The following MTCL1 variants were observed in gnomAD, a reference collection of about 807,000 sequenced individuals.
The protein encoded by MTCL1 is microtubule cross-linking factor 1.
A neutral mutation model predicts 141.4 loss-of-function variants in MTCL1; 79 were observed. That is an observed-to-expected ratio of 0.56 (90% CI 0.47 to 0.67). The LOEUF (loss-of-function observed/expected upper bound fraction) is 0.67. Ranked by LOEUF, MTCL1 falls within the 30% of genes least tolerant of loss-of-function variation. The pLI, the probability that MTCL1 is intolerant of heterozygous loss-of-function variation, is 0.00. For synonymous variants in MTCL1, 914 were observed against 875.8 expected, an observed-to-expected ratio of 1.04 and a Z score of -0.77; for missense variants, 2,177 against 2,113.9, an observed-to-expected ratio of 1.03 and a Z score of -0.59.
chr18:8,803,934 A>T (rs1245334849), intron 10 of MTCL1, among the ~76,000 whole-genome samples: 1 of 152,224 alleles, frequency 6.6e-6, no homozygotes, highest in African/African-American at 2.4e-5. Flanking sequence ...GCATAGGCTG[A>T]TACCATATGT....
chr18:8,754,833 G>A (rs2096388843), intron 4 of MTCL1, among the ~76,000 whole-genome samples: 1 of 152,142 alleles, frequency 6.6e-6, no homozygotes. Context: ...AGTGGAAAGA[G>A]GGCTTAGCTC....
At chr18:8,798,478 T>C (rs1270210033) in intron 10 of MTCL1, among the ~76,000 whole-genome samples, 187 bp downstream of exon 9, 11 of 152,182 alleles carry the variant, frequency 7.2e-5, no homozygotes, top group Non-Finnish European at 1.5e-4. Flanking sequence ...TCAAACCTTT[T>C]CCATCTTAAT....
chr18:8,721,651 C>T (rs1331564907), intron 4 of MTCL1, among the ~76,000 whole-genome samples: 5 of 152,204 alleles, frequency 3.3e-5, no homozygotes, highest in East Asian at 1.9e-4. Flanking sequence ...CCTCAACACT[C>T]GTGAAAGTTG....
chr18:8,718,602 G>A, exon 3 of MTCL1: 3 of 1,613,842 alleles, frequency 1.9e-6, no homozygotes, highest in Non-Finnish European at 2.5e-6. Flanking sequence ...GCTGAGACGG[G>A]TCAGGTGGAT....
At chr18:8,780,596 A>G (rs568964455) in intron 5 of MTCL1, among the ~76,000 whole-genome samples, 10 of 152,318 alleles carry the variant, frequency 6.6e-5, no homozygotes, top group East Asian at 1.9e-4. Context: ...CAAGTTAACA[A>G]TGGGGCTGAG....
chr18:8,765,980 GAC>G (rs2096457844), intron 4 of MTCL1, among the ~76,000 whole-genome samples: 2 of 152,128 alleles, frequency 1.3e-5, no homozygotes, highest in South Asian at 4.2e-4. Context: ...GAGCCATCCC[GAC>G]ACAATGCTGC....
intron 4 of MTCL1, among the ~76,000 whole-genome samples, chr18:8,747,320 GTC>G (rs2096344273): frequency 6.6e-6 from 1 of 152,224 alleles, no homozygotes; most frequent in South Asian, 2.1e-4. Flanking sequence ...CTAGGGGAGA[GTC>G]TGTTCCATGC....
rs2077094425 is a variant in MTCL1, at chr18:8,828,483, G to C, written c.4723-425G>C. Among the ~76,000 whole-genome samples the C allele has an allele frequency of 6.6e-6, 1 of 152,218 alleles. No individual in the cohort carries two copies. Among genetic ancestry groups the C allele is most frequent in the African/African-American group, 2.4e-5 (1 of 41,462 alleles). On this transcript the variant is annotated intron_variant, in intron 15 of 16. Transcript: ENST00000359865. The surrounding 1 kb of genome is among the most constrained non-coding windows in gnomAD (Gnocchi z 5.2). ...GAACTTTTTAGAGTAAGTGGCAGTA[G>C]CTTGGCTGTTGTGACCGAAACAAAC...
chr18:8,706,759 G>C (rs1224555260), intron 1 of MTCL1, 46 bp downstream of exon 1: 1 of 1,538,580 alleles, frequency 6.5e-7, no homozygotes, highest in South Asian at 1.2e-5. Flanking sequence ...CCCCCGGAGG[G>C]CCTGGCTGCG....
intron 4 of MTCL1, 25 bp from the exon 4 acceptor site, chr18:8,777,808 A>T: frequency 6.2e-7 from 1 of 1,612,880 alleles, no homozygotes; most frequent in Non-Finnish European, 8.5e-7. Flanking sequence ...CCTTGGTCAC[A>T]GAATGTCACT....
chr18:8,806,219 T>C (rs1300316341), intron 10 of MTCL1, among the ~76,000 whole-genome samples: 3 of 152,184 alleles, frequency 2.0e-5, no homozygotes, highest in Admixed American at 6.5e-5. Flanking sequence ...ATTTCACCTT[T>C]GGCTTTAATT....
chr18:8,831,116 C>A, intron 16 of MTCL1: 1 of 987,222 alleles, frequency 1.0e-6, no homozygotes, highest in Non-Finnish European at 1.2e-6. Flanking sequence ...TCGTTTAAGA[C>A]GACTGCCATT....
At chr18:8,819,069 C>T (rs2076756235) in exon 13 of MTCL1, 1 of 1,614,158 alleles carries the variant, frequency 6.2e-7, no homozygotes, top group African/African-American at 1.3e-5. Flanking sequence ...ATGCCCCGTC[C>T]AGTGGCCATG....
chr18:8,807,580 A>G (rs2076343222), intron 11 of MTCL1, among the ~76,000 whole-genome samples: 1 of 152,252 alleles, frequency 6.6e-6, no homozygotes, highest in African/African-American at 2.4e-5. Flanking sequence ...AGCTCAGCTC[A>G]GATCACAGAG....
intron 15 of MTCL1, among the ~76,000 whole-genome samples, chr18:8,826,691 A>G (rs1446365398): frequency 6.6e-6 from 1 of 152,186 alleles, no homozygotes; most frequent in Non-Finnish European, 1.5e-5. Flanking sequence ...TCTCATCAGG[A>G]GCCACAAGAT....
exon 1 of MTCL1, chr18:8,706,347 C>T (rs1228188697): frequency 5.7e-6 from 7 of 1,230,432 alleles, no homozygotes; most frequent in African/African-American, 4.7e-5. Context: ...TGCTCCCTGC[C>T]GCCAGCAGCG....
chr18:8,756,475 G>GTA (rs1384307808), intron 4 of MTCL1, among the ~76,000 whole-genome samples: 13 of 147,666 alleles, frequency 8.8e-5, no homozygotes, highest in African/African-American at 3.4e-4. Flanking sequence ...GTATATGTGT[G>GTA]TATATGTGTG....
intron 15 of MTCL1, among the ~76,000 whole-genome samples, chr18:8,827,754 A>G (rs1235824492): frequency 1.3e-5 from 2 of 152,240 alleles, no homozygotes; most frequent in Non-Finnish European, 2.9e-5. Context: ...CACACCAAAT[A>G]GAAATTATTC....
At chr18:8,728,337 A>G (rs2096229667) in intron 4 of MTCL1, among the ~76,000 whole-genome samples, 1 of 151,754 alleles carries the variant, frequency 6.6e-6, no homozygotes, top group African/African-American at 2.4e-5. Context: ...TTCATTTCAT[A>G]TTGTCTTGAA....
Sources: gnomAD v4.1 joint callset for allele counts (sites outside exome capture counted in the v4.1 genomes callset) on GRCh38, gnomAD v4.1.1 for gene constraint, Gnocchi (gnomAD v3.1) non-coding constraint, MANE v1.5 for transcripts, NCBI Gene and HGNC (gene_info 2026-07-23, HGNC 2026-07-21) for gene names.